The following SDK1 variants were observed in gnomAD, a reference collection of about 807,000 sequenced individuals.
SDK1 encodes sidekick cell adhesion molecule 1.
A neutral mutation model predicts 245.5 loss-of-function variants in SDK1; 157 were observed. The ratio of observed to expected loss-of-function variants is 0.64; its 90% confidence interval spans 0.56 to 0.73. The LOEUF is 0.73. Among genes scored for constraint, SDK1 ranks in the 30% least tolerant of loss-of-function variants. SDK1 has a pLI of 0.00. For synonymous variants in SDK1, 1,647 were observed against 1,278.5 expected (o/e 1.29, Z -6.15); for missense variants, 3,583 against 3,002.3 (o/e 1.19, Z -4.52).
intron 1 of SDK1, among the ~76,000 whole-genome samples, chr7:3,330,781 G>A (rs1484508445): frequency 6.7e-6 from 1 of 148,684 alleles, no homozygotes; most frequent in African/African-American, 2.5e-5. Context: ...GAGACAATGT[G>A]GGCAACATAA....
chr7:3,582,683 TAAA>T lies in SDK1; in HGVS notation c.299-36373_299-36371del, dbSNP rs71029682. On this transcript the variant is annotated intron_variant, in intron 1 of 44. Transcript: ENST00000404826. ...ATGTAGCCCTGAACCTAAACTAAAG[TAAA>T]AAAAAAAAAAAAAAAAAAAAAAAGG... is the stretch of plus-strand genomic sequence containing the variant. Among the ~76,000 whole-genome samples the T allele has an allele frequency of 1.5e-3, 105 of 69,680 alleles. 1 individual carries two copies. Among genetic ancestry groups the T allele is most frequent in the Middle Eastern group, 0.01 (1 of 100 alleles). The allele number at this position is 69,680 out of a possible 152,430, so 45.7% of individuals were successfully genotyped here.
intron 5 of SDK1, among the ~76,000 whole-genome samples, chr7:3,834,068 A>C (rs114933934): frequency 0.015 from 2,219 of 152,318 alleles, 66 homozygotes; most frequent in African/African-American, 0.051. Flanking sequence ...AACAGCTGGC[A>C]TACTGGCATC....
intron 4 of SDK1, among the ~76,000 whole-genome samples, chr7:3,709,278 T>C (rs1784968638): frequency 6.6e-6 from 1 of 152,222 alleles, no homozygotes; most frequent in Non-Finnish European, 1.5e-5. Context: ...CCACATCCTT[T>C]GGGCTTGTAA....
chr7:3,724,811 C>A (rs1412237863), intron 4 of SDK1, among the ~76,000 whole-genome samples: 1 of 152,196 alleles, frequency 6.6e-6, no homozygotes, highest in East Asian at 1.9e-4. Flanking sequence ...CAACCCTGGA[C>A]TGGCCTGGCC....
At chr7:4,224,729 C>T (rs1436809335) in intron 40 of SDK1, among the ~76,000 whole-genome samples, 1 of 151,996 alleles carries the variant, frequency 6.6e-6, no homozygotes, top group South Asian at 2.1e-4. Context: ...GCCTGTAATC[C>T]CAGCACTTTG....
At chr7:3,602,171 A>C (rs181647745) in intron 1 of SDK1, among the ~76,000 whole-genome samples, 1 of 152,086 alleles carries the variant, frequency 6.6e-6, no homozygotes, top group African/African-American at 2.4e-5. Context: ...ACAATGATTT[A>C]TAATCCTTTG....
chr7:3,959,520 C>A (rs141285141), intron 8 of SDK1, among the ~76,000 whole-genome samples: 1 of 152,162 alleles, frequency 6.6e-6, no homozygotes, highest in African/African-American at 2.4e-5. Context: ...GGAGTGCGTC[C>A]GTCACTGGAG....
Position 4,168,225 on chromosome 7 carries a change from C to T in SDK1, c.4801-5997C>T, listed in dbSNP as rs1287432317. Among the ~76,000 whole-genome samples, 6 of 152,130 alleles carry T rather than the reference C, an allele frequency of 3.9e-5. No homozygotes were observed. The East Asian group carries it at 1.2e-3, about 29-fold the overall frequency. On this transcript the variant is annotated intron_variant, in intron 32 of 44. Transcript: ENST00000404826. ...TCTGGGGGCACGGCCGCCTGGACCC[C>T]CTCCCCAGGCCTGGAAGACTCCTGC...
At chr7:3,398,495 A>C (rs929952162) in intron 1 of SDK1, among the ~76,000 whole-genome samples, 3 of 152,000 alleles carry the variant, frequency 2.0e-5, no homozygotes, top group Non-Finnish European at 2.9e-5. Context: ...TAGGTCACAT[A>C]AAGTTCTGAC....
intron 20 of SDK1, among the ~76,000 whole-genome samples, chr7:4,076,746 C>A (rs1780706285): frequency 6.6e-6 from 1 of 152,138 alleles, no homozygotes; most frequent in Non-Finnish European, 1.5e-5. Flanking sequence ...TGAAGCTCGC[C>A]CTGGTAGGGA....
At chr7:3,818,564 C>T (rs1423546650) in intron 4 of SDK1, among the ~76,000 whole-genome samples, 2 of 152,128 alleles carry the variant, frequency 1.3e-5, no homozygotes, top group South Asian at 4.1e-4. Context: ...GTGCATAGAA[C>T]CCTTAAATCC....
In SDK1 at chr7:3,675,979, C is replaced by T. The variant is rs537356659; in HGVS notation, c.713+33874C>T. Among the ~76,000 whole-genome samples the T allele has an allele frequency of 2.5e-3, 379 of 152,218 alleles. 2 individuals carry two copies. The highest frequency in any genetic ancestry group is 3.6e-3 in the Non-Finnish European group (248 of 68,022). On this transcript the variant is annotated intron_variant, in intron 4 of 44. Transcript: ENST00000404826. ...TGCATAGTTCCTGAATATTTTCTCC[C>T]ATTCTGTAGGTTGTCTGTTTGCTCT...
intron 5 of SDK1, among the ~76,000 whole-genome samples, chr7:3,873,311 T>G (rs1019967304): frequency 2.0e-5 from 3 of 152,202 alleles, no homozygotes; most frequent in African/African-American, 7.2e-5. Flanking sequence ...GCTATATTTC[T>G]TATCTTGCTC....
At chr7:4,174,401 A>G in intron 33 of SDK1, 44 bp downstream of exon 33, 1 of 1,601,778 alleles carries the variant, frequency 6.2e-7, no homozygotes, top group Non-Finnish European at 8.5e-7. Flanking sequence ...GGAGGTTCCC[A>G]GGGGACCCTT....
chr7:4,051,503 A>G (rs1325496977), intron 18 of SDK1, 135 bp from the exon 19 acceptor site: 1 of 715,598 alleles, frequency 1.4e-6, no homozygotes, highest in Non-Finnish European at 2.2e-6. Flanking sequence ...AAGCGTGATT[A>G]TAAAATGCAG....
chr7:3,748,904 TG>T (rs1278991242), intron 4 of SDK1, among the ~76,000 whole-genome samples: 7 of 151,758 alleles, frequency 4.6e-5, no homozygotes, highest in Admixed American at 3.9e-4. Context: ...GACAATTTTT[TG>T]TTGTTGTTCT....
At chr7:4,190,104 A>T (rs1323537134) in intron 35 of SDK1, among the ~76,000 whole-genome samples, 1 of 152,196 alleles carries the variant, frequency 6.6e-6, no homozygotes, top group East Asian at 1.9e-4. Context: ...GTTTGAAAAC[A>T]TGTGTTTGTA....
intron 5 of SDK1, among the ~76,000 whole-genome samples, chr7:3,919,250 T>C (rs1212322946): frequency 6.6e-6 from 1 of 152,236 alleles, no homozygotes; most frequent in Non-Finnish European, 1.5e-5. Flanking sequence ...GGTATGTCAG[T>C]GTGCAGTGCA....
rs143272632 is a variant in SDK1 at position 3,995,390 on chromosome 7, C to T, written c.2131+8068C>T. 2.8e-4 allele frequency among the ~76,000 whole-genome samples: 42 copies of T among 152,184 alleles called. 1 individual carries two copies. The East Asian group carries it at 8.0e-3, about 29-fold the overall frequency. ...CCACACCCACCCCCTCCCCTGGGAG[C>T]GCTGTCCCCATCCCCTCCCTTGGGG... is the stretch of plus-strand genomic sequence containing the variant. On this transcript the variant is annotated intron_variant, in intron 14 of 44. Transcript: ENST00000404826.
Sources: allele counts gnomAD v4.1 joint callset (sites outside exome capture counted in the v4.1 genomes callset), GRCh38; gene constraint gnomAD v4.1.1; transcripts MANE v1.5; gene names NCBI Gene and HGNC (gene_info 2026-07-23, HGNC 2026-07-21).